Variants in SETDB2 observed in about 807,000 individuals in gnomAD.
SETDB2 encodes the protein SET domain bifurcated histone lysine methyltransferase 2.
In SETDB2, 56 loss-of-function variants were observed where a neutral mutation model predicts 82.5. That is an observed-to-expected ratio of 0.68 (90% CI 0.55 to 0.85). SETDB2 has a LOEUF of 0.85. Ranked by LOEUF, SETDB2 falls within the 40% of genes least tolerant of loss-of-function variation. The pLI is 0.00. For missense variants in SETDB2, 677 were observed against 816.4 expected (o/e 0.83, Z 2.08); for synonymous variants, 272 against 284.9 (o/e 0.95, Z 0.46).
intron 5 of SETDB2, among the ~76,000 whole-genome samples, chr13:49,473,834 T>C (rs1958298877): frequency 6.6e-6 from 1 of 152,108 alleles, no homozygotes; most frequent in South Asian, 2.1e-4. Flanking sequence ...GACAAATAAA[T>C]AGAAAATCCA....
chr13:49,460,303 A>T, intron 3 of SETDB2, 71 bp downstream of exon 3: 1 of 1,440,240 alleles, frequency 6.9e-7, no homozygotes, highest in South Asian at 1.4e-5. Flanking sequence ...GTATCATTCT[A>T]TTTCCAATAT....
intron 10 of SETDB2, among the ~76,000 whole-genome samples, chr13:49,483,800 A>G (rs35980977): frequency 0.53 from 79,417 of 151,020 alleles, 20,989 homozygotes; most frequent in Middle Eastern, 0.57. Flanking sequence ...GCTCTTATTT[A>G]GTAGAGATGG....
chr13:49,461,354 C>T (rs1366136996), intron 4 of SETDB2, among the ~76,000 whole-genome samples, 192 bp downstream of exon 4: 1 of 152,212 alleles, frequency 6.6e-6, no homozygotes, highest in Non-Finnish European at 1.5e-5. Context: ...AGTAAATGCA[C>T]ATCCAACTAA....
At chr13:49,461,443 G>T (rs1370620434) in intron 4 of SETDB2, among the ~76,000 whole-genome samples, 1 of 152,142 alleles carries the variant, frequency 6.6e-6, no homozygotes, top group Admixed American at 6.5e-5. Flanking sequence ...AGGGCAAATA[G>T]AATTCTAACT....
At chr13:49,477,826 T>G (rs1958400889) in intron 6 of SETDB2, among the ~76,000 whole-genome samples, 1 of 152,276 alleles carries the variant, frequency 6.6e-6, no homozygotes, top group African/African-American at 2.4e-5. Flanking sequence ...TGTTGCATTT[T>G]ACTTTTAAAA....
intron 1 of SETDB2, chr13:49,446,560 A>G (rs1468505729): frequency 3.1e-6 from 1 of 324,328 alleles, no homozygotes; most frequent in East Asian, 9.6e-5. Flanking sequence ...ATACTACATC[A>G]TTCTGTAGCT....
rs767634857 is a variant in SETDB2, at chr13:49,488,380, C to G, written c.1667C>G (p.Thr556Ser). Residue 556 changes from threonine to serine, a missense_variant, in exon 12 of 14, where the codon ACT becomes AGT. By Grantham distance (58) the Thr-to-Ser change is moderately conservative. Around this residue, in one of 3 missense-constraint regions of SETDB2, gnomAD observed 420 missense variants for 554.6 expected, o/e 0.76. Coordinates refer to ENST00000611815, the MANE Select transcript of SETDB2 (RefSeq NM_001160308.3). ...GATATAACTAAATATAGAGAAGAAA[C>G]TCCACCAAGGAGCAGATGTAACCAG... ...VIDITKYREE[T>S]PPRSRCNQAT... 3.1e-6 allele frequency: 5 copies of G among 1,612,960 alleles called. No individual in the cohort carries two copies. The highest frequency in any genetic ancestry group is 1.7e-4 in the Middle Eastern group (1 of 6,058).
Position 49,477,021 on chromosome 13 carries a change from C to G in SETDB2, c.851C>G (p.Ser284Cys). 6.2e-7 allele frequency: 1 copy of G among 1,601,970 alleles called. No homozygotes were observed. The highest frequency in any genetic ancestry group is 8.5e-7 in the Non-Finnish European group (1 of 1,176,956). The change falls in exon 6 of 14, where the codon TCT becomes TGT. Residue 284 changes from serine (S) to cysteine (C), a missense_variant. Around this residue, in one of 3 missense-constraint regions of SETDB2, gnomAD observed 420 missense variants for 554.6 expected, o/e 0.76. Coordinates refer to ENST00000611815, the MANE Select transcript of SETDB2 (RefSeq NM_001160308.3). Reference sequence around the variant, plus strand: ...ATGTTTACTGATTCCTGTGACTGCTCTGAGGGCTGCATAGACATGTGAGTA... The same window carrying G: ...ATGTTTACTGATTCCTGTGACTGCTGTGAGGGCTGCATAGACATGTGAGTA... ...SSMFTDSCDC[S>C]EGCIDITKCA...
At chr13:49,485,891 A>G in intron 11 of SETDB2, 168 bp downstream of exon 11, 1 of 754,448 alleles carries the variant, frequency 1.3e-6, no homozygotes, top group Non-Finnish European at 2.4e-6. Context: ...GTGTGGGCCA[A>G]ATCTGGCCCT....
chr13:49,461,266 A>C, intron 4 of SETDB2, 104 bp downstream of exon 4: 1 of 734,398 alleles, frequency 1.4e-6, no homozygotes, highest in Non-Finnish European at 2.2e-6. Context: ...ATTTAAAATA[A>C]AATCTAACAT....
At chr13:49,464,207 C>G in intron 4 of SETDB2, 1 of 620,240 alleles carries the variant, frequency 1.6e-6, no homozygotes, top group East Asian at 2.8e-5. Context: ...ATAGTACTGA[C>G]TTCCTCTGCT....
At chr13:49,453,107 A>G (rs968434682) in intron 2 of SETDB2, among the ~76,000 whole-genome samples, 1 of 152,106 alleles carries the variant, frequency 6.6e-6, no homozygotes. Context: ...TATATTTGGA[A>G]TATTTCTGCA....
At chr13:49,460,023 A>T in intron 2 of SETDB2, 84 bp from the exon 3 acceptor site, 1 of 1,387,822 alleles carries the variant, frequency 7.2e-7, no homozygotes, top group Non-Finnish European at 9.8e-7. Context: ...TTAGAAACCA[A>T]GTAGATTGTT....
chr13:49,473,904 T>G (rs1958300459), intron 5 of SETDB2, among the ~76,000 whole-genome samples: 1 of 152,190 alleles, frequency 6.6e-6, no homozygotes, highest in South Asian at 2.1e-4. Flanking sequence ...ACTTGACACC[T>G]AATAATAGGG....
At chr13:49,464,183 GTGTC>G (rs1023537470) in intron 4 of SETDB2, 41 of 690,684 alleles carry the variant, frequency 5.9e-5, no homozygotes, top group Non-Finnish European at 1.0e-4. Context: ...ATTTGTAACA[GTGTC>G]TGTCTGAGTA....
rs2138961742 is a variant in SETDB2 at position 49,480,927 on chromosome 13, T to C, written c.987-20T>C. On this transcript the variant is annotated intron_variant, in intron 7 of 13. Transcript: ENST00000611815. ...CTTTTTGAGATGTCTGATTTTCTCT[T>C]TTGCATATTTTGTTGACAGCATTTA... 1.2e-6 allele frequency: 2 copies of C among 1,613,236 alleles called. No homozygotes were observed. Among genetic ancestry groups the C allele is most frequent in the Non-Finnish European group, 1.7e-6 (2 of 1,179,406 alleles).
At chr13:49,470,958 C>G (rs1364863649) in intron 5 of SETDB2, among the ~76,000 whole-genome samples, 25 of 16,308 alleles carry the variant, frequency 1.5e-3, no homozygotes, top group Admixed American at 2.7e-3. Flanking sequence ...TGTTTTCTTT[C>G]TTTCTTTCTT....
chr13:49,446,227 T>C (rs1957683343), intron 1 of SETDB2, among the ~76,000 whole-genome samples: 1 of 152,224 alleles, frequency 6.6e-6, no homozygotes, highest in South Asian at 2.1e-4. Context: ...TTACATTCTT[T>C]TACAGAATTG....
intron 5 of SETDB2, 90 bp downstream of exon 5, chr13:49,468,050 C>CA (rs543406808): frequency 2.3e-6 from 2 of 874,460 alleles, no homozygotes; most frequent in Non-Finnish European, 3.2e-6. Flanking sequence ...ATGAAATATA[C>CA]AAAAAAATTT....
Sources: allele counts gnomAD v4.1 joint callset (sites outside exome capture counted in the v4.1 genomes callset), GRCh38; gene constraint gnomAD v4.1.1; regional missense constraint gnomAD v4.1.1; transcripts MANE v1.5; gene names NCBI Gene and HGNC (gene_info 2026-07-23, HGNC 2026-07-21).